SULF2: variants seen among roughly 807,000 people sequenced by gnomAD.
SULF2 encodes sulfatase 2, also known as extracellular sulfatase Sulf-2.
Under a neutral mutation model 107.7 loss-of-function variants are expected in SULF2, and 52 were observed. The observed-to-expected ratio is 0.48, with a 90% CI of 0.39 to 0.61. SULF2 has a LOEUF of 0.61. Ranked by LOEUF, SULF2 falls within the 20% of genes least tolerant of loss-of-function variation. The pLI, the probability that SULF2 is intolerant of heterozygous loss-of-function variation, is 0.00. For missense variants in SULF2, 993 were observed against 1,177.3 expected (o/e 0.84, Z 2.29); for synonymous variants, 460 against 464.3 (o/e 0.99, Z 0.12).
At chr20:47,730,714 CTGGGATT>C (rs2089575008) in intron 3 of SULF2, among the ~76,000 whole-genome samples, 1 of 152,226 alleles carries the variant, frequency 6.6e-6, no homozygotes, top group Non-Finnish European at 1.5e-5. Flanking sequence ...TCCCAGAGTG[CTGGGATT>C]ACAGGCGTGA....
Position 47,729,366 on chromosome 20 carries a change from C to G in SULF2, c.415+7337G>C, listed in dbSNP as rs73913447. Among the ~76,000 whole-genome samples the G allele has an allele frequency of 6.1e-3, 925 of 152,272 alleles. 10 individuals are homozygous for G. The highest frequency in any genetic ancestry group is 0.021 in the African/African-American group (861 of 41,552). On this transcript the variant is annotated intron_variant, in intron 3 of 20. Coordinates refer to ENST00000688720, the MANE Select transcript of SULF2 (RefSeq NM_001387048.1). ...GCTCTGCCCAGAGGAGAAAGAGCAT[C>G]TGAACTAGGTTCTGACCAGACCCCT...
rs1568803008 is a variant in SULF2 at position 47,678,057 on chromosome 20, C to T, written c.1193+619G>A. 6.6e-6 allele frequency: 1 copy of T among 152,434 alleles called. No individual in the cohort carries two copies. The highest frequency in any genetic ancestry group is 1.9e-4 in the East Asian group (1 of 5,186). The allele number at this position is 152,434 out of a possible 1,614,324, so 9.4% of individuals were successfully genotyped here. A position where few individuals can be genotyped will look rare whatever the true frequency, so the allele number is the denominator to read the frequency against. On this transcript the variant is annotated intron_variant, in intron 8 of 20. Transcript: ENST00000688720. The surrounding 1 kb of genome is among the most constrained non-coding windows in gnomAD (Gnocchi z 4.5). Reference sequence around the variant, plus strand: ...GCTGCGGCCACACCAGCCTCCCCGCCCTGACTCAGCCCACCTCCCACCTGT... The same window carrying T: ...GCTGCGGCCACACCAGCCTCCCCGCTCTGACTCAGCCCACCTCCCACCTGT...
At chr20:47,673,533 C>T (rs1369034717) in intron 10 of SULF2, among the ~76,000 whole-genome samples, 2 of 152,160 alleles carry the variant, frequency 1.3e-5, no homozygotes, top group Admixed American at 6.5e-5. Flanking sequence ...CGCCCGCTGC[C>T]GTTGAAGGCC....
chr20:47,742,459 C>A lies in SULF2; in HGVS notation c.176-5517G>T, dbSNP rs184545259. Among the ~76,000 whole-genome samples, 14 of 152,274 alleles carry A rather than the reference C, an allele frequency of 9.2e-5. No individual in the cohort carries two copies. In the East Asian group the frequency reaches 2.7e-3, roughly 29 times the overall value. On this transcript the variant is annotated intron_variant, in intron 2 of 20. Coordinates refer to ENST00000688720, the MANE Select transcript of SULF2 (RefSeq NM_001387048.1). ...GTTGAGGGTGAGGTCACTCTGACAC[C>A]TCTGTGACTCTGATGGGCTGGAGAG...
intron 7 of SULF2, among the ~76,000 whole-genome samples, chr20:47,682,404 G>A (rs2087852291): frequency 2.0e-5 from 3 of 152,222 alleles, no homozygotes; most frequent in Admixed American, 2.0e-4. Context: ...GCCGATCCAA[G>A]GAAGCTGCTG....
intron 2 of SULF2, among the ~76,000 whole-genome samples, chr20:47,746,587 T>C (rs527754974): frequency 6.6e-6 from 1 of 152,110 alleles, no homozygotes; most frequent in East Asian, 1.9e-4. Flanking sequence ...CCAGAATAGC[T>C]CTGTCTCCAG....
At chr20:47,718,043 T>G (rs548029323) in intron 3 of SULF2, among the ~76,000 whole-genome samples, 16 of 152,240 alleles carry the variant, frequency 1.1e-4, no homozygotes, top group Non-Finnish European at 1.5e-5. Context: ...GGTCTTGATC[T>G]CCTGACCTCG....
intron 10 of SULF2, among the ~76,000 whole-genome samples, chr20:47,675,187 CTCA>C (rs910013038): frequency 6.6e-6 from 1 of 152,146 alleles, no homozygotes; most frequent in African/African-American, 2.4e-5. Flanking sequence ...TCCTGGCCTC[CTCA>C]TTTCACTCCT....
Position 47,678,532 on chromosome 20 carries a change from A to C in SULF2, c.1193+144T>G. 1.3e-6 allele frequency: 1 copy of C among 758,536 alleles called. No homozygotes were observed. The highest frequency in any genetic ancestry group is 2.8e-5 in the East Asian group (1 of 36,246). The allele number at this position is 758,536 out of a possible 1,614,324, so 47.0% of individuals were successfully genotyped here. Reference sequence around the variant, plus strand: ...GGGGACCATGCTTCTCTCCCACAGCAGGTAAGTGGTTGGCATGGCGGGACC... The same window carrying C: ...GGGGACCATGCTTCTCTCCCACAGCCGGTAAGTGGTTGGCATGGCGGGACC... On this transcript the variant is annotated intron_variant, in intron 8 of 20. Transcript: ENST00000688720. This position sits in a 1 kb window ranked among gnomAD's most constrained non-coding sequence, Gnocchi z 4.5.
intron 3 of SULF2, among the ~76,000 whole-genome samples, chr20:47,730,031 G>A (rs1326861149): frequency 6.6e-6 from 1 of 152,030 alleles, no homozygotes; most frequent in Non-Finnish European, 1.5e-5. Flanking sequence ...AGATGGGGTG[G>A]GGTCATCAGG....
rs1314447579 is a variant in SULF2, at chr20:47,757,352, C to CG, written c.11dup (p.Ser5GlufsTer107). ...CGGACAGCAAGCACAGCACGAGGCT[C>CG]GGGGGGCCCATCTTCTTTTTTTGCT... On this transcript the variant is annotated frameshift_variant, in exon 2 of 21. Transcript: ENST00000688720. LOFTEE classifies it high-confidence loss of function. 1.3e-6 allele frequency: 2 copies of CG among 1,591,414 alleles called. No individual in the cohort carries two copies. Among genetic ancestry groups the CG allele is most frequent in the South Asian group, 1.1e-5 (1 of 88,258 alleles).
intron 3 of SULF2, among the ~76,000 whole-genome samples, chr20:47,720,684 G>T (rs1224402733): frequency 6.6e-6 from 1 of 151,300 alleles, no homozygotes; most frequent in African/African-American, 2.4e-5. Flanking sequence ...CTGCCATTTT[G>T]CAAGATCCAT....
chr20:47,667,346 A>AG (rs575647597), intron 11 of SULF2, among the ~76,000 whole-genome samples: 204 of 152,214 alleles, frequency 1.3e-3, no homozygotes, highest in East Asian at 4.1e-3. Context: ...AACAAGGCTG[A>AG]GGGGGGCTTT....
chr20:47,750,588 T>C (rs1274369886), intron 2 of SULF2, among the ~76,000 whole-genome samples: 2 of 152,214 alleles, frequency 1.3e-5, no homozygotes, highest in Non-Finnish European at 2.9e-5. Context: ...ATTCAGTCTA[T>C]TCTTCTAGAG....
intron 2 of SULF2, among the ~76,000 whole-genome samples, chr20:47,750,357 G>A (rs2090134448): frequency 6.6e-6 from 1 of 152,156 alleles, no homozygotes; most frequent in Admixed American, 6.5e-5. Flanking sequence ...CACAACCTTG[G>A]AGTCATTCTC....
At chr20:47,659,611 A>C in intron 19 of SULF2, 86 bp downstream of exon 19, 1 of 1,396,126 alleles carries the variant, frequency 7.2e-7, no homozygotes, top group South Asian at 1.2e-5. Flanking sequence ...TTCTCAAGAT[A>C]ACAGGTGCAG....
In SULF2 at chr20:47,676,445, G is replaced by A. The variant is rs199763357; in HGVS notation, c.1380+49C>T. 8.0e-4 allele frequency: 1,277 copies of A among 1,587,944 alleles called. 4 individuals carry two copies. In the African/African-American group the frequency reaches 0.015, roughly 19 times the overall value. On this transcript the variant is annotated intron_variant, in intron 10 of 20. Coordinates refer to ENST00000688720, the MANE Select transcript of SULF2 (RefSeq NM_001387048.1). ...TCTCAGAGCCTCGCAGGTCAGGGCC[G>A]GCTGCAGTCAGGAGGGGGAGCCGTT...
intron 3 of SULF2, among the ~76,000 whole-genome samples, chr20:47,725,712 A>ACCC (rs150643260): frequency 6.6e-6 from 1 of 151,280 alleles, no homozygotes; most frequent in Admixed American, 6.6e-5. Flanking sequence ...AAATCTGGGC[A>ACCC]CCCCCTCCCC....
intron 11 of SULF2, among the ~76,000 whole-genome samples, chr20:47,671,560 C>T (rs1292980535): frequency 6.6e-6 from 1 of 151,870 alleles, no homozygotes; most frequent in Non-Finnish European, 1.5e-5. Context: ...AGGTGTGAGC[C>T]ACCGCGCCCA....
Sources: allele counts gnomAD v4.1 joint callset (sites outside exome capture counted in the v4.1 genomes callset), GRCh38; gene constraint gnomAD v4.1.1; non-coding constraint Gnocchi (gnomAD v3.1); transcripts MANE v1.5; gene names NCBI Gene and HGNC (gene_info 2026-07-23, HGNC 2026-07-21).